Variants in CLPSL1 observed in about 807,000 individuals in gnomAD.
The protein encoded by CLPSL1 is colipase-like protein 1.
Under a neutral mutation model 9.3 loss-of-function variants are expected in CLPSL1, and 13 were observed. The ratio of observed to expected loss-of-function variants is 1.40; its 90% confidence interval spans 0.91 to 2.22. The LOEUF (loss-of-function observed/expected upper bound fraction) is 2.22. Ranked by LOEUF, CLPSL1 falls within the 30% of genes most tolerant of loss-of-function variation. The pLI, the probability that CLPSL1 is intolerant of heterozygous loss-of-function variation, is 0.00. For synonymous variants in CLPSL1, 58 were observed against 56.9 expected, an observed-to-expected ratio of 1.02 and a Z score of -0.08; for missense variants, 164 against 146.6, an observed-to-expected ratio of 1.12 and a Z score of -0.61.
intron 1 of CLPSL1, among the ~76,000 whole-genome samples, chr6:35,783,161 T>C (rs928998280): frequency 3.3e-5 from 5 of 152,140 alleles, no homozygotes; most frequent in South Asian, 2.1e-4. Flanking sequence ...CTGACTTCCA[T>C]TATTATAGAT....
chr6:35,787,744 A>G (rs2151061938), intron 2 of CLPSL1, 123 bp from the exon 3 acceptor site: 1 of 935,514 alleles, frequency 1.1e-6, no homozygotes, highest in Non-Finnish European at 1.6e-6. Flanking sequence ...CTGGCAAGCT[A>G]TCATTTATCC....
chr6:35,789,947 G>A (rs1768156272), downstream of CLPSL1, among the ~76,000 whole-genome samples: 1 of 152,210 alleles, frequency 6.6e-6, no homozygotes, highest in Admixed American at 6.5e-5. Context: ...TTTTGTTGGA[G>A]ACAGGGTCTC....
intron 1 of CLPSL1, 73 bp downstream of exon 1, chr6:35,781,282 G>T: frequency 6.4e-7 from 1 of 1,556,172 alleles, no homozygotes; most frequent in Non-Finnish European, 8.7e-7. Flanking sequence ...GGAGGTGAGC[G>T]GGCATGGGGG....
At chr6:35,788,625 G>T (rs1283747438), downstream of CLPSL1, among the ~76,000 whole-genome samples, 1 of 152,272 alleles carries the variant, frequency 6.6e-6, no homozygotes, top group Non-Finnish European at 1.5e-5. Flanking sequence ...CTTGTTCAAG[G>T]TCACACAGTT....
downstream of CLPSL1, among the ~76,000 whole-genome samples, chr6:35,792,140 T>C (rs1364296848): frequency 6.6e-6 from 1 of 151,788 alleles, no homozygotes; most frequent in Non-Finnish European, 1.5e-5. Flanking sequence ...CCAGGCATGG[T>C]GGCACACGCC....
downstream of CLPSL1, among the ~76,000 whole-genome samples, chr6:35,789,058 A>G (rs1768143231): frequency 6.6e-6 from 1 of 152,264 alleles, no homozygotes; most frequent in South Asian, 2.1e-4. Context: ...GATGTGAACC[A>G]TACCTTGGTA....
intron 1 of CLPSL1, among the ~76,000 whole-genome samples, chr6:35,781,892 C>G (rs937353602): frequency 6.6e-6 from 1 of 151,888 alleles, no homozygotes; most frequent in Admixed American, 6.6e-5. Context: ...ATTACAGGCA[C>G]CCACTGCCAC....
chr6:35,790,576 A>G (rs1409613), downstream of CLPSL1, among the ~76,000 whole-genome samples: 29,506 of 147,998 alleles, frequency 0.2, 281 homozygotes, highest in African/African-American at 0.28. Context: ...TACCATCTCA[A>G]TAGAAGAAGG....
At chr6:35,791,984 GC>G (rs1768226056), downstream of CLPSL1, among the ~76,000 whole-genome samples, 1 of 150,674 alleles carries the variant, frequency 6.6e-6, no homozygotes, top group Non-Finnish European at 1.5e-5. Context: ...TACTCGGGAG[GC>G]TGATTCAGGA....
downstream of CLPSL1, among the ~76,000 whole-genome samples, chr6:35,790,635 A>G (rs2151063155): frequency 6.6e-6 from 1 of 152,386 alleles, no homozygotes; most frequent in South Asian, 2.1e-4. Flanking sequence ...AGGAAAGATG[A>G]ATGGGCCCTT....
intron 1 of CLPSL1, among the ~76,000 whole-genome samples, chr6:35,782,288 C>T (rs1263392625): frequency 1.3e-5 from 2 of 152,016 alleles, no homozygotes; most frequent in Non-Finnish European, 2.9e-5. Flanking sequence ...GGGAGATGAG[C>T]TCAGAGAGAT....
At position 35,788,008 on chromosome 6, in the gene CLPSL1, T is replaced by G. The variant is rs377051504; in HGVS notation, c.364T>G (p.Ter122GluextTer40). 7.0e-5 allele frequency: 112 copies of G among 1,609,730 alleles called. No homozygotes were observed. The highest frequency in any genetic ancestry group is 9.4e-6 in the Non-Finnish European group (11 of 1,176,366). Reference sequence around the variant, plus strand: ...GAAGTTGGCTAAGAAAATGTTCTTCTAGTGCTCCCTCCTTCTTGCTGCCTC... The same window carrying G: ...GAAGTTGGCTAAGAAAATGTTCTTCGAGTGCTCCCTCCTTCTTGCTGCCTC... ...RQKLAKKMFF[*>E] The change falls in exon 3 of 3, where the codon TAG (stop) becomes GAG (glutamate). Residue 122 changes from the stop codon to glutamate, a stop_lost. Transcript: ENST00000373861.
At position 35,788,097 on chromosome 6, in the gene CLPSL1, C is replaced by A. The variant is rs1426190371; in HGVS notation, c.*87C>A. On this transcript the variant is annotated 3_prime_UTR_variant, in exon 3 of 3. Coordinates refer to ENST00000373861, the MANE Select transcript of CLPSL1 (RefSeq NM_001010886.5). ...GTGTTCACCCTGTTCCCCAGAGCCT[C>A]CACCATGAGTGGAGGGAAGTGGGGA... 8.7e-7 allele frequency: 1 copy of A among 1,145,876 alleles called. No homozygotes were observed. The highest frequency in any genetic ancestry group is 1.3e-6 in the Non-Finnish European group (1 of 759,630). 71.0% of individuals were successfully genotyped at this position (1,145,876 alleles called of 1,614,324 possible).
At chr6:35,791,999 T>C (rs967296889), downstream of CLPSL1, among the ~76,000 whole-genome samples, 4 of 151,316 alleles carry the variant, frequency 2.6e-5, no homozygotes, top group Admixed American at 2.0e-4. Context: ...TTCAGGAGAA[T>C]TGCTTGAACC....
chr6:35,783,805 C>A (rs1768017237), intron 1 of CLPSL1, among the ~76,000 whole-genome samples: 2 of 125,178 alleles, frequency 1.6e-5, no homozygotes, highest in Admixed American at 8.4e-5. Flanking sequence ...GACTCTATCT[C>A]CAAAAAAAAA....
downstream of CLPSL1, among the ~76,000 whole-genome samples, chr6:35,792,408 G>T (rs1412091528): frequency 6.6e-6 from 1 of 152,288 alleles, no homozygotes; most frequent in African/African-American, 2.4e-5. Flanking sequence ...AGAATAAAGT[G>T]TCGAATATAT....
exon 2 of CLPSL1, chr6:35,793,661 T>C (rs1768267884): frequency 2.2e-6 from 1 of 452,800 alleles, no homozygotes; most frequent in Non-Finnish European, 4.6e-6. Context: ...ACGTTCCTAT[T>C]TGCTTCAGCC....
At chr6:35,790,228 C>T (rs888463969), downstream of CLPSL1, among the ~76,000 whole-genome samples, 9 of 152,230 alleles carry the variant, frequency 5.9e-5, no homozygotes, top group Admixed American at 1.3e-4. Flanking sequence ...CCACTGTGCC[C>T]GGCTGAAATT....
intron 1 of CLPSL1, among the ~76,000 whole-genome samples, chr6:35,783,636 C>A (rs1466556018): frequency 2.0e-5 from 3 of 151,744 alleles, no homozygotes; most frequent in African/African-American, 7.3e-5. Flanking sequence ...GAAACCCTGT[C>A]TCTACTAAAA....
Sources: allele counts gnomAD v4.1 joint callset (sites outside exome capture counted in the v4.1 genomes callset), GRCh38; gene constraint gnomAD v4.1.1; transcripts MANE v1.5; gene names NCBI Gene and HGNC (gene_info 2026-07-23, HGNC 2026-07-21).